The following DOK6 variants were observed in gnomAD, a reference collection of about 807,000 sequenced individuals.
The protein encoded by DOK6 is docking protein 6.
Under a neutral mutation model 44.0 loss-of-function variants are expected in DOK6, and 22 were observed. That is an observed-to-expected ratio of 0.50 (90% confidence interval 0.36 to 0.71). The LOEUF (loss-of-function observed/expected upper bound fraction) is 0.71, where lower values mean the gene tolerates loss of function less well. Among genes scored for constraint, DOK6 ranks in the 30% least tolerant of loss-of-function variants. The probability of loss-of-function intolerance (pLI) is 0.00; values close to 1 mark genes in which losing one functional copy is unlikely to be tolerated. For missense variants in DOK6, 340 were observed against 416.4 expected (o/e 0.82, Z 1.60); for synonymous variants, 166 against 145.5 (o/e 1.14, Z -1.01).
chr18:69,503,892 C>T (rs981968836), intron 1 of DOK6, among the ~76,000 whole-genome samples: 1 of 151,876 alleles, frequency 6.6e-6, no homozygotes, highest in East Asian at 1.9e-4. Flanking sequence ...ATGTTATATT[C>T]GTAGGTCTCA....
At chr18:69,569,541 C>A (rs1179108125) in intron 2 of DOK6, among the ~76,000 whole-genome samples, 3 of 152,072 alleles carry the variant, frequency 2.0e-5, no homozygotes, top group South Asian at 2.1e-4. Flanking sequence ...GGAGTCCAAT[C>A]TAAAAGGAAA....
chr18:69,699,163 C>T (rs1455877326), intron 5 of DOK6, among the ~76,000 whole-genome samples: 2 of 152,114 alleles, frequency 1.3e-5, no homozygotes, highest in African/African-American at 2.4e-5. Context: ...CCAACCAAAT[C>T]ATTGTCTTTA....
chr18:69,540,908 A>C lies in DOK6; in HGVS notation c.67-23579A>C, dbSNP rs114554617. ...TTGGTTAACATTTCTACTACCACAC[A>C]AATCATAGTTCTGTTAAAGAATCTT... On this transcript the variant is annotated intron_variant, in intron 1 of 7. Transcript: ENST00000382713. 6.0e-3 allele frequency among the ~76,000 whole-genome samples: 916 copies of C among 152,278 alleles called. 7 individuals carry two copies. The highest frequency in any genetic ancestry group is 0.02 in the African/African-American group (852 of 41,566).
rs1367847837 is a variant in DOK6 at position 69,720,289 on chromosome 18, A to G, written c.600-18676A>G. On this transcript the variant is annotated intron_variant, in intron 5 of 7. Coordinates refer to ENST00000382713, the MANE Select transcript of DOK6 (RefSeq NM_152721.6). The stretch of plus-strand genomic sequence containing the variant: ...TTCAACTCATTACCTTTACCTCCCA[A>G]TGTCTAAAAGGAAAATTTGCTAGGC... 5.3e-5 allele frequency among the ~76,000 whole-genome samples: 8 copies of G among 152,174 alleles called. No homozygotes were observed. In the East Asian group the frequency reaches 5.8e-4, roughly 11 times the overall value.
intron 3 of DOK6, among the ~76,000 whole-genome samples, chr18:69,665,195 A>T (rs901460037): frequency 5.9e-5 from 9 of 152,074 alleles, no homozygotes; most frequent in Non-Finnish European, 1.3e-4. Context: ...AAAAGAAAAA[A>T]AAAATGCATT....
At chr18:69,632,958 G>T (rs1235976109) in intron 3 of DOK6, among the ~76,000 whole-genome samples, 1 of 152,164 alleles carries the variant, frequency 6.6e-6, no homozygotes, top group African/African-American at 2.4e-5. Flanking sequence ...CCTCCCCTGA[G>T]TCCTCAGTTT....
intron 3 of DOK6, among the ~76,000 whole-genome samples, chr18:69,674,716 T>A (rs539187085): frequency 1.3e-5 from 2 of 152,036 alleles, no homozygotes; most frequent in Admixed American, 1.3e-4. Flanking sequence ...CTTGCCCTGA[T>A]ACTTTCACTC....
chr18:69,683,651 C>T (rs1381189946), intron 4 of DOK6, among the ~76,000 whole-genome samples: 4 of 152,272 alleles, frequency 2.6e-5, no homozygotes, highest in Admixed American at 6.5e-5. Context: ...AGGATTCTTC[C>T]GTTGAGCAGC....
intron 2 of DOK6, among the ~76,000 whole-genome samples, chr18:69,590,482 A>T (rs35286661): frequency 0.32 from 49,260 of 152,012 alleles, 8,493 homozygotes; most frequent in Middle Eastern, 0.45. Context: ...TTTAAATACC[A>T]TGCTTTTTAT....
chr18:69,420,054 A>T (rs1057145748), intron 1 of DOK6, among the ~76,000 whole-genome samples: 4 of 152,130 alleles, frequency 2.6e-5, no homozygotes, highest in Non-Finnish European at 4.4e-5. Flanking sequence ...ACATTTTATA[A>T]CTTCAACTAA....
intron 3 of DOK6, among the ~76,000 whole-genome samples, chr18:69,622,275 T>C (rs1984459938): frequency 6.6e-6 from 1 of 152,196 alleles, no homozygotes; most frequent in Non-Finnish European, 1.5e-5. Flanking sequence ...ACTAGAGAAT[T>C]ATATGTAAGT....
chr18:69,719,045 T>C (rs3862699), intron 5 of DOK6, among the ~76,000 whole-genome samples: 118,177 of 152,154 alleles, frequency 0.78, 46,159 homozygotes, highest in East Asian at 0.98. Context: ...GTAATTATTA[T>C]AGCCCAATGG....
intron 1 of DOK6, among the ~76,000 whole-genome samples, chr18:69,475,198 G>GA (rs1217661547): frequency 6.6e-6 from 1 of 152,068 alleles, no homozygotes; most frequent in Non-Finnish European, 1.5e-5. Flanking sequence ...CACCATATTG[G>GA]AAAAAAGAAA....
At chr18:69,416,769 C>G (rs1978352108) in intron 1 of DOK6, among the ~76,000 whole-genome samples, 1 of 152,130 alleles carries the variant, frequency 6.6e-6, no homozygotes, top group Non-Finnish European at 1.5e-5. Flanking sequence ...GTGCTCAGCA[C>G]AAATCCAAGG....
rs191564017 is a variant in DOK6, at chr18:69,441,094, T to C, written c.66+39784T>C. 4.3e-3 allele frequency among the ~76,000 whole-genome samples: 656 copies of C among 152,190 alleles called. 3 individuals are homozygous for C. The highest frequency in any genetic ancestry group is 7.4e-3 in the Admixed American group (113 of 15,264). On this transcript the variant is annotated intron_variant, in intron 1 of 7. Coordinates refer to ENST00000382713, the MANE Select transcript of DOK6 (RefSeq NM_152721.6). ...ATACCACTTAATTTCCAGTAAATTG[T>C]GTGTGTGTGTATGGTTTTGTATTCA...
At chr18:69,401,885 C>A (rs968350264) in intron 1 of DOK6, among the ~76,000 whole-genome samples, 7 of 152,144 alleles carry the variant, frequency 4.6e-5, no homozygotes, top group Non-Finnish European at 8.8e-5. Flanking sequence ...CGCCCGCGTG[C>A]AGGCAGGTGT....
chr18:69,565,543 A>T (rs1023338975), intron 2 of DOK6, among the ~76,000 whole-genome samples: 1 of 149,612 alleles, frequency 6.7e-6, no homozygotes, highest in African/African-American at 2.5e-5. Flanking sequence ...ACATAATTTT[A>T]AAAATATTTT....
intron 3 of DOK6, among the ~76,000 whole-genome samples, chr18:69,641,964 G>A (rs1239780131): frequency 1.3e-5 from 2 of 152,162 alleles, no homozygotes; most frequent in Non-Finnish European, 2.9e-5. Context: ...TATTTCATTA[G>A]GGGCATTTAT....
chr18:69,423,931 T>G (rs1978565543), intron 1 of DOK6, among the ~76,000 whole-genome samples: 1 of 152,228 alleles, frequency 6.6e-6, no homozygotes, highest in South Asian at 2.1e-4. Flanking sequence ...TCTACATTTA[T>G]TAGATTTTTG....
Sources: allele counts gnomAD v4.1 joint callset (sites outside exome capture counted in the v4.1 genomes callset), GRCh38; gene constraint gnomAD v4.1.1; transcripts MANE v1.5; gene names NCBI Gene and HGNC (gene_info 2026-07-23, HGNC 2026-07-21).